Variants in ZNF786 observed in about 807,000 individuals in gnomAD.
ZNF786 encodes zinc finger protein 786.
Under a neutral mutation model 63.1 loss-of-function variants are expected in ZNF786, and 56 were observed. The observed-to-expected ratio is 0.89, with a 90% CI of 0.72 to 1.11. ZNF786 has a LOEUF of 1.11. ZNF786 is among the 50% of genes least tolerant of loss of function. ZNF786 has a pLI of 0.00. For missense variants in ZNF786, 1,213 were observed against 1,041.8 expected (o/e 1.16, Z -2.26); for synonymous variants, 485 against 406.9 (o/e 1.19, Z -2.31).
rs1825382981 is a variant in ZNF786 at position 149,070,548 on chromosome 7, T to C, written c.2224A>G (p.Ile742Val). 6.2e-7 allele frequency: 1 copy of C among 1,613,922 alleles called. No homozygotes were observed. The highest frequency in any genetic ancestry group is 1.7e-5 in the Admixed American group (1 of 60,010). ...TGCTCCGCAAGCTTAGACTTGTAAATGAAGCCCTTCCCACAATCGCCACAG... is the reference window on the plus strand; with the variant it reads ...TGCTCCGCAAGCTTAGACTTGTAAACGAAGCCCTTCCCACAATCGCCACAG... Reference protein sequence around the residue: ...FACGDCGKGFIYKSKLAEHIR... With the variant: ...FACGDCGKGFVYKSKLAEHIR... Residue 742 changes from isoleucine to valine, a missense_variant, in exon 4 of 4, where the codon ATT (isoleucine) becomes GTT (valine). By Grantham distance (29) the Ile-to-Val change is conservative (BLOSUM62 3). Transcript: ENST00000491431.
chr7:149,086,825 A>T (rs1421320062), intron 1 of ZNF786, among the ~76,000 whole-genome samples: 1 of 146,146 alleles, frequency 6.8e-6, no homozygotes, highest in Non-Finnish European at 1.5e-5. Flanking sequence ...ATTACAGCCC[A>T]CTTCCAACAG....
intron 2 of ZNF786, among the ~76,000 whole-genome samples, chr7:149,077,727 G>A (rs1825580860): frequency 6.6e-6 from 1 of 152,162 alleles, no homozygotes. Flanking sequence ...GCCAAGGCAG[G>A]TGGATCACTT....
chr7:149,071,552 C>T lies in ZNF786; in HGVS notation c.1220G>A (p.Arg407His), dbSNP rs62507486. The change falls in exon 4 of 4, where the codon CGC (arginine) becomes CAC (histidine). Residue 407 changes from arginine (R) to histidine (H), a missense_variant. Coordinates refer to ENST00000491431, the MANE Select transcript of ZNF786 (RefSeq NM_152411.4). Reference protein sequence around the residue: ...FQCAHCTKRFRLRRLLQVHQH... With the variant: ...FQCAHCTKRFHLRRLLQVHQH... ...GTGGACCTGCAGCAGGCGGCGCAGG[C>T]GGAAGCGCTTGGTGCAATGCGCACA... is the stretch of plus-strand genomic sequence containing the variant. 12,555 of 1,612,934 alleles carry T rather than the reference C, an allele frequency of 7.8e-3. 78 individuals carry two copies. Among genetic ancestry groups the T allele is most frequent in the Non-Finnish European group, 9.7e-3 (11,401 of 1,179,844 alleles).
chr7:149,081,391 G>A (rs1358310660), intron 1 of ZNF786, among the ~76,000 whole-genome samples: 2 of 138,836 alleles, frequency 1.4e-5, no homozygotes, highest in East Asian at 4.2e-4. Flanking sequence ...AGCGGAGATC[G>A]CGCCACCGCA....
rs201964655 is a variant in ZNF786, at chr7:149,071,922, G to C, written c.850C>G (p.Pro284Ala). The C allele has an allele frequency of 2.9e-4, 466 of 1,607,942 alleles. No homozygotes were observed. Among genetic ancestry groups the C allele is most frequent in the Non-Finnish European group, 3.7e-4 (440 of 1,177,988 alleles). ...EMCFRHELTH[P>A]SHRLPQQGEK... Reference sequence around the variant, plus strand: ...CCCTGCTGCGGGAGGCGGTGGCTGGGATGGGTCAGCTCGTGTCGGAAGCAC... The same window carrying C: ...CCCTGCTGCGGGAGGCGGTGGCTGGCATGGGTCAGCTCGTGTCGGAAGCAC... The change falls in exon 4 of 4, where the codon CCC becomes GCC. Residue 284 changes from proline to alanine, a missense_variant. Coordinates refer to ENST00000491431, the MANE Select transcript of ZNF786 (RefSeq NM_152411.4).
intron 1 of ZNF786, among the ~76,000 whole-genome samples, chr7:149,081,626 G>A (rs1271727342): frequency 1.3e-5 from 2 of 151,984 alleles, no homozygotes; most frequent in Non-Finnish European, 2.9e-5. Context: ...CTATTAACAT[G>A]AGACTTCTTG....
chr7:149,074,881 C>T (rs1825515567), intron 2 of ZNF786, among the ~76,000 whole-genome samples: 1 of 151,960 alleles, frequency 6.6e-6, no homozygotes, highest in Non-Finnish European at 1.5e-5. Context: ...ACTCCAGTTG[C>T]CAAGGCTGGA....
chr7:149,074,443 T>G lies in ZNF786; in HGVS notation c.241A>C (p.Ile81Leu), dbSNP rs367792363. 6.2e-7 allele frequency: 1 copy of G among 1,613,704 alleles called. No individual in the cohort carries two copies. Among genetic ancestry groups the G allele is most frequent in the African/African-American group, 1.3e-5 (1 of 74,880 alleles). ...AAATGCATATCAACAGAGGAGCAAA[T>G]TATGTTTCCTGATTTCTGTGATTCT... ...WRESQKSGNI[I>L]CSSVDMHFDP... Residue 81 changes from isoleucine (I) to leucine (L), a missense_variant, in exon 3 of 4, where the codon ATT (isoleucine) becomes CTT (leucine). Transcript: ENST00000491431.
intron 2 of ZNF786, among the ~76,000 whole-genome samples, chr7:149,075,145 G>A (rs1295155418): frequency 6.6e-6 from 1 of 152,180 alleles, no homozygotes; most frequent in Non-Finnish European, 1.5e-5. Flanking sequence ...ATTCTTAATA[G>A]TGATTTATTA....
In ZNF786 at chr7:149,075,655, G is replaced by GTTTTTTT. The variant is rs1165713050; in HGVS notation, c.146-1124_146-1118dup. 5.7e-3 allele frequency among the ~76,000 whole-genome samples: 398 copies of GTTTTTTT among 69,466 alleles called. 108 individuals are homozygous for GTTTTTTT. Among genetic ancestry groups the GTTTTTTT allele is most frequent in the African/African-American group, 0.015 (258 of 16,882 alleles). 45.6% of individuals were successfully genotyped at this position (69,466 alleles called of 152,430 possible). ...ATCCTACTGTGCTGACACACTTCAG[G>GTTTTTTT]TTTTTTTTTTTTTTTTTTTTTTTTT... On this transcript the variant is annotated intron_variant, in intron 2 of 3. Coordinates refer to ENST00000491431, the MANE Select transcript of ZNF786 (RefSeq NM_152411.4).
chr7:149,072,308 C>T lies in ZNF786; in HGVS notation c.464G>A (p.Gly155Asp), dbSNP rs377030508. 8 of 1,613,766 alleles carry T rather than the reference C, an allele frequency of 5.0e-6. No homozygotes were observed. Among genetic ancestry groups the T allele is most frequent in the South Asian group, 1.1e-5 (1 of 91,028 alleles). ...DARAPPPLAC[G>D]PSESTLKEGI... ...TTCTTTTAGGGTAGATTCACTGGGG[C>T]CGCAGGCTAGTGGTGGAGGAGCCCT... The change falls in exon 4 of 4, where the codon GGC becomes GAC. Residue 155 changes from glycine (G) to aspartate (D), a missense_variant. By Grantham distance (94) the Gly-to-Asp change is moderately conservative (BLOSUM62 -1). Transcript: ENST00000491431.
chr7:149,073,767 ATATATATATATATG>A (rs1226609064), intron 3 of ZNF786, among the ~76,000 whole-genome samples: 1,482 of 111,280 alleles, frequency 0.013, 24 homozygotes, highest in African/African-American at 0.041. Context: ...ATATATATAT[ATATATATATATATG>A]TATATATATA....
In ZNF786 at chr7:149,071,559, G is replaced by T; in HGVS notation, c.1213C>A (p.Arg405Ser). The T allele has an allele frequency of 6.2e-7, 1 of 1,612,540 alleles. No homozygotes were observed. Among genetic ancestry groups the T allele is most frequent in the Non-Finnish European group, 8.5e-7 (1 of 1,179,648 alleles). The part of the protein sequence containing the change: ...KPFQCAHCTK[R>S]FRLRRLLQVH... ...TGCAGCAGGCGGCGCAGGCGGAAGC[G>T]CTTGGTGCAATGCGCACACTGGAAG... The change falls in exon 4 of 4, where the codon CGC (arginine) becomes AGC (serine). Residue 405 changes from arginine to serine, a missense_variant. Physicochemically the swap from Arg to Ser is moderately radical, Grantham distance 110. Coordinates refer to ENST00000491431, the MANE Select transcript of ZNF786 (RefSeq NM_152411.4).
intron 2 of ZNF786, among the ~76,000 whole-genome samples, chr7:149,079,227 T>C (rs972211886): frequency 2.0e-5 from 3 of 152,068 alleles, no homozygotes; most frequent in Non-Finnish European, 4.4e-5. Context: ...GCTAACACGG[T>C]GAAACCCTGT....
At position 149,074,555 on chromosome 7, in the gene ZNF786, G is replaced by C. The variant is rs766507654; in HGVS notation, c.146-17C>G. On this transcript the variant is annotated splice_polypyrimidine_tract_variant and intron_variant, in intron 2 of 3. Transcript: ENST00000491431. ...GTCCATCATCTGCACAGAGAAGTCA[G>C]ACAGGGTAGTTTGGCTTCCTGAATT... 1 of 1,607,382 alleles carries C rather than the reference G, an allele frequency of 6.2e-7. No homozygotes were observed. The highest frequency in any genetic ancestry group is 1.1e-5 in the South Asian group (1 of 89,610).
In ZNF786 at chr7:149,088,273, G is replaced by A. The variant is rs1187695069; in HGVS notation, c.18+2350C>T. 2.6e-5 allele frequency among the ~76,000 whole-genome samples: 4 copies of A among 152,068 alleles called. No homozygotes were observed. The East Asian group carries it at 7.7e-4, about 29-fold the overall frequency. ...CCACCTGGACCTCCCAAAGTGCTGGGATTACAGGTGTGAGCCACCACGCCT... is the reference window on the plus strand; with the variant it reads ...CCACCTGGACCTCCCAAAGTGCTGGAATTACAGGTGTGAGCCACCACGCCT... On this transcript the variant is annotated intron_variant, in intron 1 of 3. Transcript: ENST00000491431.
Position 149,080,604 on chromosome 7 carries a change from A to C in ZNF786, c.132T>G (p.Thr44=). ...YKHVMRSNYE[T]LVSLDDGLPK... ...AACAGGTCTTACCTAGAGAGACGAG[A>C]GTCTCATAATTGCTTCTCATCACAT... The change falls in exon 2 of 4, where the codon ACT becomes ACG. Residue 44 remains threonine (T), a synonymous_variant. Coordinates refer to ENST00000491431, the MANE Select transcript of ZNF786 (RefSeq NM_152411.4). The C allele has an allele frequency of 6.2e-7, 1 of 1,610,552 alleles. No homozygotes were observed. Among genetic ancestry groups the C allele is most frequent in the South Asian group, 1.1e-5 (1 of 90,406 alleles).
Position 149,072,101 on chromosome 7 carries a change from C to G in ZNF786, c.671G>C (p.Arg224Thr), listed in dbSNP as rs1825439373. The G allele has an allele frequency of 1.9e-6, 3 of 1,613,100 alleles. No individual in the cohort carries two copies. Among genetic ancestry groups the G allele is most frequent in the African/African-American group, 2.7e-5 (2 of 74,934 alleles). Residue 224 changes from arginine to threonine, a missense_variant, in exon 4 of 4, where the codon AGG becomes ACG. Transcript: ENST00000491431. ...TRRAWEKFNK[R>T]AETQMPWSSP... ...GCTCCACGGCATCTGCGTCTCCGCC[C>G]TCTTGTTGAATTTCTCCCAGGCCCT...
At chr7:149,078,006 G>C (rs946486097) in intron 2 of ZNF786, among the ~76,000 whole-genome samples, 6 of 151,666 alleles carry the variant, frequency 4.0e-5, no homozygotes, top group African/African-American at 1.5e-4. Flanking sequence ...GGGATTACAG[G>C]CATGCACAAC....
Sources: gnomAD v4.1 joint callset for allele counts (sites outside exome capture counted in the v4.1 genomes callset) on GRCh38, gnomAD v4.1.1 for gene constraint, MANE v1.5 for transcripts, NCBI Gene and HGNC (gene_info 2026-07-23, HGNC 2026-07-21) for gene names.